ZPBP: variants seen among roughly 807,000 people sequenced by gnomAD.
ZPBP encodes the protein zona pellucida-binding protein 1.
In ZPBP, 26 loss-of-function variants were observed where a neutral mutation model predicts 44.8. The ratio of observed to expected loss-of-function variants is 0.58; its 90% CI spans 0.43 to 0.81. The LOEUF (loss-of-function observed/expected upper bound fraction) is 0.81. ZPBP is among the 30% of genes least tolerant of loss of function. The pLI, the probability that ZPBP is intolerant of heterozygous loss-of-function variation, is 0.00. For missense variants in ZPBP, 409 were observed against 434.0 expected (o/e 0.94, Z 0.51); for synonymous variants, 174 against 153.2 (o/e 1.14, Z -1.00).
At chr7:49,968,412 T>C (rs1465758833) in intron 7 of ZPBP, among the ~76,000 whole-genome samples, 3 of 152,054 alleles carry the variant, frequency 2.0e-5, no homozygotes, top group East Asian at 3.8e-4. Flanking sequence ...TATGAGATGA[T>C]TCCAAAATTT....
At chr7:49,842,531 G>T in the ZPBP span, among the ~76,000 whole-genome samples, 1 of 152,182 alleles carries the variant, frequency 6.6e-6, no homozygotes, top group East Asian at 1.9e-4. Flanking sequence ...GTAACTCAGT[G>T]ACACAACAGT....
downstream of ZPBP, among the ~76,000 whole-genome samples, chr7:49,845,450 T>G (rs1469860901): frequency 6.6e-6 from 1 of 152,228 alleles, no homozygotes; most frequent in South Asian, 2.1e-4. Flanking sequence ...ATTAGTGAGA[T>G]AGCAAACCCT....
intron 4 of ZPBP, among the ~76,000 whole-genome samples, chr7:50,054,466 T>A (rs1352094693): frequency 6.6e-6 from 1 of 152,148 alleles, no homozygotes; most frequent in Non-Finnish European, 1.5e-5. Context: ...GAAAAGATGT[T>A]CTAACTCACT....
chr7:49,988,003 G>A (rs1797391533), intron 6 of ZPBP, among the ~76,000 whole-genome samples: 1 of 152,118 alleles, frequency 6.6e-6, no homozygotes, highest in South Asian at 2.1e-4. Flanking sequence ...AAAGCTAAAA[G>A]TTCAAACAAG....
intron 5 of ZPBP, among the ~76,000 whole-genome samples, chr7:50,026,205 C>T (rs1469959150): frequency 6.6e-6 from 1 of 151,722 alleles, no homozygotes; most frequent in East Asian, 1.9e-4. Flanking sequence ...CAAAGAAATG[C>T]ATTATATTTT....
At chr7:49,934,447 A>T (rs960015580), downstream of ZPBP, among the ~76,000 whole-genome samples, 2 of 10,222 alleles carry the variant, frequency 2.0e-4, no homozygotes, top group South Asian at 2.5e-3. Context: ...CAGAGGGTAT[A>T]AAAAAAAAAA....
intron 2 of ZPBP, among the ~76,000 whole-genome samples, chr7:49,886,971 CT>C (rs1470600653): frequency 6.6e-6 from 1 of 151,656 alleles, no homozygotes; most frequent in African/African-American, 2.4e-5. Context: ...TCTTGTTTGC[CT>C]TTACCTTCAT....
At chr7:50,010,730 C>T (rs189959537) in intron 6 of ZPBP, among the ~76,000 whole-genome samples, 11 of 152,124 alleles carry the variant, frequency 7.2e-5, no homozygotes, top group South Asian at 2.1e-4. Flanking sequence ...AACACATCCA[C>T]GCTCATGGAT....
chr7:49,925,787 T>C (rs1450766539), intron 1 of ZPBP, among the ~76,000 whole-genome samples: 2 of 152,222 alleles, frequency 1.3e-5, no homozygotes, highest in Admixed American at 6.5e-5. Context: ...GAATTACACA[T>C]ATTCTCCCCT....
At chr7:49,889,816 C>T (rs146895635) in intron 2 of ZPBP, among the ~76,000 whole-genome samples, 14 of 152,152 alleles carry the variant, frequency 9.2e-5, no homozygotes, top group Admixed American at 5.2e-4. Flanking sequence ...TGGTCTTTAA[C>T]GATAACAAAT....
chr7:50,078,248 G>A (rs1165776711), intron 3 of ZPBP, among the ~76,000 whole-genome samples: 2 of 151,668 alleles, frequency 1.3e-5, no homozygotes, highest in African/African-American at 2.4e-5. Flanking sequence ...GCTGGGAAGT[G>A]TAGTGGGGAG....
intron 1 of ZPBP, chr7:49,921,591 G>A (rs1360073019): frequency 6.6e-6 from 1 of 152,112 alleles, no homozygotes; most frequent in East Asian, 1.9e-4. Flanking sequence ...AGGATTAAAT[G>A]AGTGAATATT....
intron 1 of ZPBP, among the ~76,000 whole-genome samples, chr7:49,902,511 GT>G: frequency 7.0e-6 from 1 of 142,898 alleles, no homozygotes; most frequent in Non-Finnish European, 1.5e-5. Context: ...TTGTTTGCTT[GT>G]TTTTTTAACA....
At chr7:49,973,869 C>T (rs1290047171) in intron 7 of ZPBP, among the ~76,000 whole-genome samples, 1 of 152,080 alleles carries the variant, frequency 6.6e-6, no homozygotes, top group African/African-American at 2.4e-5. Context: ...TATACTAATG[C>T]TAATAAAAGC....
At chr7:50,012,017 T>G (rs1798607620) in intron 6 of ZPBP, among the ~76,000 whole-genome samples, 1 of 142,762 alleles carries the variant, frequency 7.0e-6, no homozygotes. Flanking sequence ...GGCGACAGAG[T>G]GAGACCCCGT....
chr7:50,004,910 A>T (rs1205934341), intron 6 of ZPBP, among the ~76,000 whole-genome samples: 2 of 152,048 alleles, frequency 1.3e-5, no homozygotes, highest in Non-Finnish European at 2.9e-5. Flanking sequence ...AAATTTTCCA[A>T]ATTTATACAG....
At chr7:49,981,349 A>ATAATT (rs1298381978) in intron 7 of ZPBP, among the ~76,000 whole-genome samples, 934 of 35,954 alleles carry the variant, frequency 0.026, 10 homozygotes, top group Middle Eastern at 0.038. Flanking sequence ...TATATTATAT[A>ATAATT]ATATATATTA....
rs59910243 is a variant in ZPBP at position 49,857,009 on chromosome 7, C to CAAAAAAAAAA, written n.510-6505_510-6496dup. On this transcript the variant is annotated intron_variant and non_coding_transcript_variant, in intron 2 of 2. Coordinates refer to the ZPBP transcript ENST00000465922. ...TGGGTGACAGAGCCAGATACTGTCTCAAAAAAAAAAAAAAAAAAAAAAAAA... is the reference window on the plus strand; with the variant it reads ...TGGGTGACAGAGCCAGATACTGTCTCAAAAAAAAAAAAAAAAAAAAAAAAAAAAAAAAAAA... Among the ~76,000 whole-genome samples the CAAAAAAAAAA allele has an allele frequency of 2.1e-4, 11 of 52,786 alleles. 1 individual carries two copies. The highest frequency in any genetic ancestry group is 1.9e-3 in the Admixed American group (5 of 2,590). 34.6% of individuals were successfully genotyped at this position (52,786 alleles called of 152,430 possible).
intron 2 of ZPBP, among the ~76,000 whole-genome samples, chr7:49,861,580 G>A (rs1310661546): frequency 6.6e-6 from 1 of 152,132 alleles, no homozygotes; most frequent in Non-Finnish European, 1.5e-5. Flanking sequence ...TTCTGGGTAA[G>A]AAAGATTTAA....
Sources: allele counts gnomAD v4.1 joint callset (sites outside exome capture counted in the v4.1 genomes callset), GRCh38; gene constraint gnomAD v4.1.1; transcripts MANE v1.5; gene names NCBI Gene and HGNC (gene_info 2026-07-23, HGNC 2026-07-21).